CTNNA3: variants seen among roughly 807,000 people sequenced by gnomAD.
CTNNA3 encodes the protein catenin alpha-3.
CTNNA3 carries 76 observed loss-of-function variants against 95.7 expected under a neutral mutation model. That is an observed-to-expected ratio of 0.79 (90% CI 0.66 to 0.96). The LOEUF is 0.96. CTNNA3 is among the 40% of genes least tolerant of loss of function. CTNNA3 has a pLI of 0.00. For synonymous variants in CTNNA3, 431 were observed against 374.4 expected (o/e 1.15, Z -1.74); for missense variants, 1,191 against 1,089.8 (o/e 1.09, Z -1.31).
chr10:65,991,271 T>C (rs1039921100), intron 15 of CTNNA3, among the ~76,000 whole-genome samples: 4 of 152,122 alleles, frequency 2.6e-5, no homozygotes, highest in Admixed American at 6.5e-5. Flanking sequence ...TATGTAACAT[T>C]TAGGATTGTT....
At chr10:66,875,093 T>C (rs1844564897) in intron 7 of CTNNA3, among the ~76,000 whole-genome samples, 1 of 152,102 alleles carries the variant, frequency 6.6e-6, no homozygotes, top group Non-Finnish European at 1.5e-5. Flanking sequence ...AGACAAGTGG[T>C]GCTGATGACG....
chr10:67,355,295 G>A (rs1372051286), intron 5 of CTNNA3, among the ~76,000 whole-genome samples: 1 of 152,012 alleles, frequency 6.6e-6, no homozygotes, highest in African/African-American at 2.4e-5. Flanking sequence ...TCATGAGATA[G>A]GCAGAAGGAA....
intron 3 of CTNNA3, among the ~76,000 whole-genome samples, chr10:67,579,906 ATT>A (rs1362212564): frequency 6.6e-6 from 1 of 151,600 alleles, no homozygotes; most frequent in African/African-American, 2.4e-5. Flanking sequence ...GGGTTGTTTG[ATT>A]TTTTCTTGTA....
At chr10:66,872,755 T>G (rs1189861506) in intron 7 of CTNNA3, among the ~76,000 whole-genome samples, 1 of 152,106 alleles carries the variant, frequency 6.6e-6, no homozygotes, top group Non-Finnish European at 1.5e-5. Context: ...GGGTAGATTG[T>G]GTGATGCTGA....
At chr10:67,090,189 G>A (rs370320114) in intron 7 of CTNNA3, among the ~76,000 whole-genome samples, 1 of 151,970 alleles carries the variant, frequency 6.6e-6, no homozygotes, top group Admixed American at 6.6e-5. Flanking sequence ...CCCATCTTGA[G>A]TGTTTTCGAG....
intron 3 of CTNNA3, among the ~76,000 whole-genome samples, chr10:67,604,535 C>T (rs1418394181): frequency 6.6e-6 from 1 of 152,020 alleles, no homozygotes; most frequent in Non-Finnish European, 1.5e-5. Context: ...ATGCAATAAT[C>T]CTGAATTCAT....
chr10:66,486,814 C>G (rs575190022), intron 11 of CTNNA3, among the ~76,000 whole-genome samples: 1 of 146,000 alleles, frequency 6.8e-6, no homozygotes, highest in Non-Finnish European at 1.5e-5. Context: ...CATGGATGAA[C>G]AAATACACAC....
intron 9 of CTNNA3, among the ~76,000 whole-genome samples, chr10:66,755,578 C>T (rs575444709): frequency 3.3e-5 from 5 of 152,040 alleles, no homozygotes; most frequent in South Asian, 4.2e-4. Flanking sequence ...ATTATCAATA[C>T]GAAATATTGG....
At chr10:66,583,100 C>CT (rs1307246326) in intron 10 of CTNNA3, among the ~76,000 whole-genome samples, 4 of 151,120 alleles carry the variant, frequency 2.6e-5, no homozygotes, top group African/African-American at 7.3e-5. Flanking sequence ...GTAGTTTTCT[C>CT]TTTTTTGTTA....
Position 65,914,229 on chromosome 10 carries a change from T to C in CTNNA3, c.*6101A>G, listed in dbSNP as rs2076980189. 6.6e-6 allele frequency: 1 copy of C among 152,134 alleles called. No individual in the cohort carries two copies. Among genetic ancestry groups the C allele is most frequent in the Admixed American group, 6.6e-5 (1 of 15,246 alleles). 9.4% of individuals were successfully genotyped at this position (152,134 alleles called of 1,614,324 possible). ...AAAGAGAATTTTCTCCTTGAGGGCT[T>C]TCCTTTCCTACAGTTGGGAATAGGC... On this transcript the variant is annotated 3_prime_UTR_variant, in exon 18 of 18. Transcript: ENST00000433211.
intron 6 of CTNNA3, among the ~76,000 whole-genome samples, chr10:67,217,221 G>A (rs1384742263): frequency 1.3e-5 from 2 of 152,034 alleles, no homozygotes; most frequent in Middle Eastern, 3.2e-3. Flanking sequence ...AGGTTATTTT[G>A]GATCCTTTAC....
intron 10 of CTNNA3, among the ~76,000 whole-genome samples, chr10:66,526,649 G>A (rs1246464832): frequency 2.6e-5 from 4 of 152,048 alleles, no homozygotes; most frequent in Admixed American, 6.6e-5. Context: ...CCATCCTAAT[G>A]GGTGTGAAGT....
At chr10:67,439,803 C>A (rs1044244211) in intron 5 of CTNNA3, among the ~76,000 whole-genome samples, 3 of 151,904 alleles carry the variant, frequency 2.0e-5, no homozygotes, top group Non-Finnish European at 4.4e-5. Flanking sequence ...GACTAAGGAG[C>A]CCTTCGGCCC....
chr10:66,620,092 ATAC>A (rs1313270136), intron 10 of CTNNA3, among the ~76,000 whole-genome samples: 1 of 152,182 alleles, frequency 6.6e-6, no homozygotes, highest in African/African-American at 2.4e-5. Flanking sequence ...TTGAATAATA[ATAC>A]TTTACTCTTT....
chr10:66,368,069 GT>G (rs751285851), intron 12 of CTNNA3, among the ~76,000 whole-genome samples: 2 of 151,232 alleles, frequency 1.3e-5, no homozygotes, highest in Non-Finnish European at 2.9e-5. Context: ...TCCTATTTCT[GT>G]TTTTCCCATC....
intron 1 of CTNNA3, among the ~76,000 whole-genome samples, chr10:67,685,882 CTCTT>C (rs1183918985): frequency 2.6e-5 from 4 of 152,108 alleles, no homozygotes; most frequent in Non-Finnish European, 5.9e-5. Flanking sequence ...CTCTGTCTCT[CTCTT>C]TGACTCCTTC....
At chr10:67,402,631 A>T (rs781440255) in intron 5 of CTNNA3, among the ~76,000 whole-genome samples, 6 of 152,034 alleles carry the variant, frequency 3.9e-5, no homozygotes, top group Admixed American at 6.5e-5. Context: ...AGCCAAGGGA[A>T]CCCCCACCCC....
chr10:66,432,662 GA>G (rs11424847), intron 11 of CTNNA3, among the ~76,000 whole-genome samples: 1,348 of 120,376 alleles, frequency 0.011, 28 homozygotes, highest in African/African-American at 0.033. Context: ...CCATCTCACA[GA>G]AAAAAAAAAA....
At chr10:67,076,419 C>T (rs1179715381) in intron 7 of CTNNA3, among the ~76,000 whole-genome samples, 1 of 152,224 alleles carries the variant, frequency 6.6e-6, no homozygotes, top group African/African-American at 2.4e-5. Flanking sequence ...CCACCTGCAT[C>T]ATAATCCACA....
Sources: gnomAD v4.1 joint callset for allele counts (sites outside exome capture counted in the v4.1 genomes callset) on GRCh38, gnomAD v4.1.1 for gene constraint, MANE v1.5 for transcripts, NCBI Gene and HGNC (gene_info 2026-07-23, HGNC 2026-07-21) for gene names.